The following ZNF808 variants were observed in gnomAD, a reference collection of about 807,000 sequenced individuals.
ZNF808 encodes the protein zinc finger protein 808.
ZNF808 carries 5 observed loss-of-function variants against 8.7 expected under a neutral mutation model. The ratio of observed to expected loss-of-function variants is 0.58; its 90% CI spans 0.30 to 1.21. ZNF808 has a LOEUF of 1.21. ZNF808 is among the 50% of genes most tolerant of loss of function. The pLI, the probability that ZNF808 is intolerant of heterozygous loss-of-function variation, is 0.07. For synonymous variants in ZNF808, 380 were observed against 366.0 expected (o/e 1.04, Z -0.44); for missense variants, 1,103 against 1,098.4 (o/e 1.00, Z -0.06).
chr19:52,552,640 G>T (rs1245547584), intron 4 of ZNF808, among the ~76,000 whole-genome samples: 6 of 148,730 alleles, frequency 4.0e-5, no homozygotes, highest in Admixed American at 1.3e-4. Context: ...AGAATTTCCA[G>T]TGCTTTTGGT....
In ZNF808 at chr19:52,554,960, A is replaced by C. The variant is rs747898849; in HGVS notation, c.2044A>C (p.Lys682Gln). Residue 682 changes from lysine (K) to glutamine (Q), a missense_variant, in exon 5 of 5, where the codon AAG (lysine) becomes CAG (glutamine). Transcript: ENST00000359798. ...LHGGEKSYKC[K>Q]VCDKAFVCRS... ...TGGTGGAGAGAAATCTTACAAATGTAAGGTTTGTGACAAGGCTTTCGTGTG... is the reference window on the plus strand; with the variant it reads ...TGGTGGAGAGAAATCTTACAAATGTCAGGTTTGTGACAAGGCTTTCGTGTG... 6.2e-7 allele frequency: 1 copy of C among 1,614,218 alleles called. No individual in the cohort carries two copies. Among genetic ancestry groups the C allele is most frequent in the Admixed American group, 1.7e-5 (1 of 60,022 alleles).
At position 52,547,574 on chromosome 19, in the gene ZNF808, C is replaced by G. The variant is rs1431067870; in HGVS notation, c.126C>G (p.Asn42Lys). 3 of 1,614,032 alleles carry G rather than the reference C, an allele frequency of 1.9e-6. No homozygotes were observed. The highest frequency in any genetic ancestry group is 1.7e-6 in the Non-Finnish European group (2 of 1,179,996). The part of the protein sequence containing the change: ...EFSLAEWKFL[N>K]PAQRALYREV... ...CATTGGCAGAGTGGAAATTCCTGAACCCTGCACAGAGGGCTTTGTACAGGG... is the reference window on the plus strand; with the variant it reads ...CATTGGCAGAGTGGAAATTCCTGAAGCCTGCACAGAGGGCTTTGTACAGGG... The change falls in exon 4 of 5, where the codon AAC becomes AAG. Residue 42 changes from asparagine to lysine, a missense_variant. Transcript: ENST00000359798.
intron 1 of ZNF808, among the ~76,000 whole-genome samples, chr19:52,532,294 T>G (rs984521357): frequency 2.0e-5 from 3 of 152,084 alleles, no homozygotes; most frequent in African/African-American, 7.2e-5. Context: ...GGCACAATCT[T>G]GGCTCATTGC....
chr19:52,557,971 T>G (rs2059843611), downstream of ZNF808, among the ~76,000 whole-genome samples: 1 of 144,046 alleles, frequency 6.9e-6, no homozygotes, highest in South Asian at 2.4e-4. Context: ...CGAGTGACTC[T>G]GACCCCTGAA....
chr19:52,559,426 T>G (rs2059849475), downstream of ZNF808, among the ~76,000 whole-genome samples: 1 of 152,096 alleles, frequency 6.6e-6, no homozygotes, highest in Non-Finnish European at 1.5e-5. Flanking sequence ...CTCTCCACTA[T>G]TACCTTATTG....
At position 52,554,934 on chromosome 19, in the gene ZNF808, A is replaced by G. The variant is rs758442086; in HGVS notation, c.2018A>G (p.His673Arg). The G allele has an allele frequency of 1.9e-6, 3 of 1,614,224 alleles. No homozygotes were observed. The highest frequency in any genetic ancestry group is 2.5e-6 in the Non-Finnish European group (3 of 1,180,042). ...TCACTTGTATGGCATCGTAGACTTC[A>G]TGGTGGAGAGAAATCTTACAAATGT... is the stretch of plus-strand genomic sequence containing the variant. Reference protein sequence around the residue: ...KSSLVWHRRLHGGEKSYKCKV... With the variant: ...KSSLVWHRRLRGGEKSYKCKV... The change falls in exon 5 of 5, where the codon CAT (histidine) becomes CGT (arginine). Residue 673 changes from histidine (H) to arginine (R), a missense_variant. Physicochemically the swap from His to Arg is conservative, Grantham distance 29 (BLOSUM62 0). Coordinates refer to ENST00000359798, the MANE Select transcript of ZNF808 (RefSeq NM_001039886.4).
At chr19:52,530,908 C>T (rs1424209936) in intron 1 of ZNF808, among the ~76,000 whole-genome samples, 1 of 152,006 alleles carries the variant, frequency 6.6e-6, no homozygotes, top group African/African-American at 2.4e-5. Context: ...GGCTGGGAGG[C>T]AGAGGTTGCA....
At chr19:52,541,967 T>G (rs2059675063) in intron 2 of ZNF808, among the ~76,000 whole-genome samples, 1 of 152,208 alleles carries the variant, frequency 6.6e-6, no homozygotes, top group African/African-American at 2.4e-5. Flanking sequence ...TTCTGGAAAC[T>G]TAGCCAAACT....
In ZNF808 at chr19:52,553,605, C is replaced by T. The variant is rs1377364920; in HGVS notation, c.689C>T (p.Ser230Phe). 4 of 1,614,080 alleles carry T rather than the reference C, an allele frequency of 2.5e-6. No individual in the cohort carries two copies. Among genetic ancestry groups the T allele is most frequent in the Admixed American group, 3.3e-5 (2 of 60,004 alleles). ...QKQEVHMREK[S>F]FPCNESGKAF... ...CAGGAAGTACACATGAGAGAAAAAT[C>T]TTTCCCATGTAATGAGAGTGGCAAA... The change falls in exon 5 of 5, where the codon TCT becomes TTT. Residue 230 changes from serine to phenylalanine, a missense_variant. Physicochemically the swap from Ser to Phe is radical, Grantham distance 155 (BLOSUM62 -2). Transcript: ENST00000359798.
intron 2 of ZNF808, among the ~76,000 whole-genome samples, chr19:52,542,629 G>A (rs1230997143): frequency 2.0e-5 from 3 of 151,928 alleles, no homozygotes; most frequent in African/African-American, 7.3e-5. Context: ...CAAGGTGGTC[G>A]GGGCAGAGCT....
chr19:52,549,757 C>G (rs1001106661), intron 4 of ZNF808, among the ~76,000 whole-genome samples: 2 of 152,178 alleles, frequency 1.3e-5, no homozygotes, highest in Admixed American at 6.6e-5. Context: ...GATGCAAATA[C>G]TGTTTCTTTC....
intron 4 of ZNF808, among the ~76,000 whole-genome samples, chr19:52,550,643 A>G (rs1045430543): frequency 6.6e-6 from 1 of 151,844 alleles, no homozygotes; most frequent in African/African-American, 2.4e-5. Flanking sequence ...GTCCTGCCTC[A>G]GGCTCCCAAG....
At chr19:52,535,233 A>G (rs62117197) in intron 2 of ZNF808, among the ~76,000 whole-genome samples, 33,209 of 146,176 alleles carry the variant, frequency 0.23, 4,131 homozygotes, top group East Asian at 0.51. Flanking sequence ...CCAAAGGCTG[A>G]GGCAGGAGAA....
chr19:52,531,986 CT>C (rs1199691130), intron 1 of ZNF808, among the ~76,000 whole-genome samples: 1 of 152,072 alleles, frequency 6.6e-6, no homozygotes, highest in Non-Finnish European at 1.5e-5. Flanking sequence ...GAAGTTGTGG[CT>C]TTTTTCTTGA....
downstream of ZNF808, among the ~76,000 whole-genome samples, chr19:52,567,880 G>A (rs543126551): frequency 2.0e-4 from 30 of 152,256 alleles, 1 homozygote; most frequent in South Asian, 4.8e-3. Context: ...ATAACCCAGA[G>A]ATGTACTTCT....
In ZNF808 at chr19:52,553,761, C is replaced by A. The variant is rs2059802473; in HGVS notation, c.845C>A (p.Thr282Asn). Residue 282 changes from threonine to asparagine, a missense_variant, in exon 5 of 5, where the codon ACT becomes AAT. By Grantham distance (65) the Thr-to-Asn change is moderately conservative. Coordinates refer to ENST00000359798, the MANE Select transcript of ZNF808 (RefSeq NM_001039886.4). Reference protein sequence around the residue: ...QYLACHRRCHTGEKPYKCKEC... With the variant: ...QYLACHRRCHNGEKPYKCKEC... ...CTTGCATGCCATCGTAGATGTCACACTGGAGAGAAACCTTACAAGTGTAAA... is the reference window on the plus strand; with the variant it reads ...CTTGCATGCCATCGTAGATGTCACAATGGAGAGAAACCTTACAAGTGTAAA... The A allele has an allele frequency of 6.2e-7, 1 of 1,614,166 alleles. No homozygotes were observed. Among genetic ancestry groups the A allele is most frequent in the Non-Finnish European group, 8.5e-7 (1 of 1,180,022 alleles).
chr19:52,563,793 C>CCA (rs2059865194), exon 4 of ZNF808: 3 of 169,818 alleles, frequency 1.8e-5, no homozygotes, highest in South Asian at 2.6e-4. Context: ...GTCAGGAATT[C>CCA]AATAATAGCC....
At chr19:52,566,141 G>T (rs536401941), downstream of ZNF808, among the ~76,000 whole-genome samples, 107 of 151,998 alleles carry the variant, frequency 7.0e-4, no homozygotes, top group Non-Finnish European at 1.2e-3. Context: ...ATTTGTGAAA[G>T]ATTTTATATA....
chr19:52,532,581 G>A (rs892304246), intron 1 of ZNF808, among the ~76,000 whole-genome samples: 2 of 152,006 alleles, frequency 1.3e-5, no homozygotes, highest in Non-Finnish European at 2.9e-5. Flanking sequence ...ACTTTTCATT[G>A]ATGTGACAGT....
Sources: allele counts gnomAD v4.1 joint callset (sites outside exome capture counted in the v4.1 genomes callset), GRCh38; gene constraint gnomAD v4.1.1; transcripts MANE v1.5; gene names NCBI Gene and HGNC (gene_info 2026-07-23, HGNC 2026-07-21).